Variants in ARMH3 observed in about 807,000 individuals in gnomAD.
The protein encoded by ARMH3 is armadillo-like helical domain-containing protein 3.
Under a neutral mutation model 99.1 loss-of-function variants are expected in ARMH3, and 60 were observed. The ratio of observed to expected loss-of-function variants is 0.61; its 90% confidence interval spans 0.49 to 0.75. The LOEUF is 0.75. Among genes scored for constraint, ARMH3 ranks in the 30% least tolerant of loss-of-function variants. The pLI is 0.00. For synonymous variants in ARMH3, 285 were observed against 292.8 expected (o/e 0.97, Z 0.27); for missense variants, 679 against 843.1 (o/e 0.81, Z 2.41).
At chr10:101,988,789 G>C (rs942029896) in intron 19 of ARMH3, among the ~76,000 whole-genome samples, 1 of 151,930 alleles carries the variant, frequency 6.6e-6, no homozygotes, top group African/African-American at 2.4e-5. Flanking sequence ...CCAACATGGT[G>C]GTGCGCGACT....
intron 23 of ARMH3, among the ~76,000 whole-genome samples, chr10:101,924,910 C>T (rs923542288): frequency 6.6e-6 from 1 of 152,106 alleles, no homozygotes; most frequent in South Asian, 2.1e-4. Flanking sequence ...GGGAGGATTG[C>T]TTGAACCTCG....
At chr10:101,968,476 T>C (rs558554738) in intron 20 of ARMH3, among the ~76,000 whole-genome samples, 2 of 152,338 alleles carry the variant, frequency 1.3e-5, no homozygotes, top group South Asian at 2.1e-4. Context: ...CCACATGACA[T>C]GTCCCTTTGA....
At chr10:101,889,764 A>C in intron 23 of ARMH3, 1 of 384,718 alleles carries the variant, frequency 2.6e-6, no homozygotes, top group South Asian at 2.9e-5. Flanking sequence ...AAACAAAAAT[A>C]TTGAGTCCTT....
chr10:101,988,650 C>T (rs1175639946), intron 19 of ARMH3, among the ~76,000 whole-genome samples: 1 of 152,198 alleles, frequency 6.6e-6, no homozygotes, highest in Non-Finnish European at 1.5e-5. Context: ...AGGTTGGGCA[C>T]AGTGGCTCAC....
At chr10:101,884,012 AC>A (rs2067481044) in intron 24 of ARMH3, among the ~76,000 whole-genome samples, 1 of 151,162 alleles carries the variant, frequency 6.6e-6, no homozygotes, top group African/African-American at 2.4e-5. Flanking sequence ...ACACACACAC[AC>A]CCGCCAAGCA....
At chr10:101,916,094 C>T (rs545128524) in intron 23 of ARMH3, among the ~76,000 whole-genome samples, 32 of 152,242 alleles carry the variant, frequency 2.1e-4, no homozygotes, top group Admixed American at 1.8e-3. Flanking sequence ...TGAGCCAGCA[C>T]GCCTGGCCTA....
At chr10:102,025,950 C>T (rs983985080) in intron 5 of ARMH3, among the ~76,000 whole-genome samples, 2 of 152,080 alleles carry the variant, frequency 1.3e-5, no homozygotes, top group East Asian at 1.9e-4. Flanking sequence ...TGGCAAGTTT[C>T]GTTATTTGGT....
intron 20 of ARMH3, among the ~76,000 whole-genome samples, chr10:101,961,559 A>G (rs1458579834): frequency 2.0e-5 from 3 of 152,168 alleles, no homozygotes; most frequent in Non-Finnish European, 2.9e-5. Context: ...GCCAAAAAAG[A>G]CAGGTTTAGG....
Position 102,041,346 on chromosome 10 carries a change from C to T in ARMH3, c.-11-1221G>A, listed in dbSNP as rs369093108. 1.4e-4 allele frequency among the ~76,000 whole-genome samples: 22 copies of T among 151,862 alleles called. No homozygotes were observed. In the East Asian group the frequency reaches 3.9e-3, roughly 27 times the overall value. ...TTTCCTCTCTTTCCTTTAAATCCTA[C>T]GCTCTAGATATGAAACTTAATCTCA... On this transcript the variant is annotated intron_variant, in intron 1 of 25. Transcript: ENST00000370033.
At chr10:102,015,740 T>C (rs1024002185) in intron 8 of ARMH3, among the ~76,000 whole-genome samples, 1 of 152,204 alleles carries the variant, frequency 6.6e-6, no homozygotes, top group African/African-American at 2.4e-5. Flanking sequence ...ACGTTTGCAT[T>C]CTAGTTCTTC....
chr10:101,947,938 A>G (rs1210799788), intron 22 of ARMH3, among the ~76,000 whole-genome samples: 1 of 152,110 alleles, frequency 6.6e-6, no homozygotes, highest in Non-Finnish European at 1.5e-5. Context: ...AGTAACTGCT[A>G]AAAAATACAA....
intron 22 of ARMH3, among the ~76,000 whole-genome samples, chr10:101,955,580 C>A (rs1844992542): frequency 6.6e-6 from 1 of 152,184 alleles, no homozygotes; most frequent in East Asian, 1.9e-4. Context: ...TGCTTCTATT[C>A]TTTCTCCTGG....
chr10:101,985,078 T>TAC (rs35926257), intron 19 of ARMH3, among the ~76,000 whole-genome samples: 5,483 of 136,160 alleles, frequency 0.04, 116 homozygotes, highest in South Asian at 0.067. Flanking sequence ...AAAATATATA[T>TAC]ACACACACAC....
chr10:101,854,622 A>G (rs2066688139), intron 24 of ARMH3, among the ~76,000 whole-genome samples: 1 of 152,190 alleles, frequency 6.6e-6, no homozygotes, highest in Non-Finnish European at 1.5e-5. Context: ...ATGTTTGGGA[A>G]GGCCTAAACA....
chr10:102,047,532 G>T (rs2067586614), intron 1 of ARMH3, among the ~76,000 whole-genome samples: 1 of 151,276 alleles, frequency 6.6e-6, no homozygotes, highest in Non-Finnish European at 1.5e-5. Context: ...TGTCACCCAG[G>T]CTGGGGTGCA....
At chr10:101,849,375 G>A (rs1156325950) in intron 25 of ARMH3, among the ~76,000 whole-genome samples, 2 of 152,356 alleles carry the variant, frequency 1.3e-5, no homozygotes, top group East Asian at 3.9e-4. Context: ...AATGGAGACT[G>A]GAGAACTAGA....
chr10:102,044,539 T>G (rs2067499874), intron 1 of ARMH3, among the ~76,000 whole-genome samples: 1 of 151,890 alleles, frequency 6.6e-6, no homozygotes, highest in African/African-American at 2.4e-5. Flanking sequence ...CCCAGCTAAT[T>G]TTTTGTATTT....
At chr10:102,032,882 C>A (rs780244690) in intron 4 of ARMH3, 144 bp downstream of exon 4, 2 of 847,360 alleles carry the variant, frequency 2.4e-6, no homozygotes, top group Non-Finnish European at 3.6e-6. Flanking sequence ...GCTAAACAAA[C>A]GTGGCATAAA....
intron 1 of ARMH3, among the ~76,000 whole-genome samples, chr10:102,054,458 T>G (rs1050325234): frequency 6.6e-5 from 10 of 151,992 alleles, no homozygotes; most frequent in African/African-American, 1.5e-4. Flanking sequence ...CCTTAAAGGC[T>G]TCTCTAGTCA....
Sources: gnomAD v4.1 joint callset for allele counts (sites outside exome capture counted in the v4.1 genomes callset) on GRCh38, gnomAD v4.1.1 for gene constraint, MANE v1.5 for transcripts, NCBI Gene and HGNC (gene_info 2026-07-23, HGNC 2026-07-21) for gene names.